The following PXMP4 variants were observed in gnomAD, a reference collection of about 807,000 sequenced individuals.
The protein encoded by PXMP4 is 24 kDa peroxisomal intrinsic membrane protein.
A neutral mutation model predicts 21.6 loss-of-function variants in PXMP4; 16 were observed. The ratio of observed to expected loss-of-function variants is 0.74; its 90% CI spans 0.50 to 1.13. The LOEUF is 1.13. Among genes scored for constraint, PXMP4 ranks in the 50% most tolerant of loss-of-function variants. The probability of loss-of-function intolerance (pLI) is 0.00; values close to 1 mark genes in which losing one functional copy is unlikely to be tolerated. For missense variants in PXMP4, 240 were observed against 277.7 expected (o/e 0.86, Z 0.96); for synonymous variants, 127 against 123.8 (o/e 1.03, Z -0.17).
intron 3 of PXMP4, among the ~76,000 whole-genome samples, chr20:33,709,634 A>C (rs1028752249): frequency 1.3e-5 from 2 of 151,972 alleles, no homozygotes; most frequent in Non-Finnish European, 2.9e-5. Context: ...TCAGACATGC[A>C]AAAGAGCCAA....
chr20:33,708,865 T>A (rs2018292591), intron 3 of PXMP4, among the ~76,000 whole-genome samples: 1 of 152,088 alleles, frequency 6.6e-6, no homozygotes, highest in South Asian at 2.1e-4. Context: ...TTTTTTGCAT[T>A]TTTAATGGAA....
chr20:33,711,145 GT>G (rs1429614172), intron 2 of PXMP4, among the ~76,000 whole-genome samples: 1 of 152,158 alleles, frequency 6.6e-6, no homozygotes, highest in Non-Finnish European at 1.5e-5. Flanking sequence ...CTTAATAAAT[GT>G]TTTTTTGAGT....
At chr20:33,709,585 C>T (rs1260455420) in intron 3 of PXMP4, among the ~76,000 whole-genome samples, 1 of 151,992 alleles carries the variant, frequency 6.6e-6, no homozygotes, top group Non-Finnish European at 1.5e-5. Context: ...AGGAAAGTGA[C>T]CTTCCCAAGG....
At chr20:33,713,165 G>A (rs1034233786) in intron 2 of PXMP4, among the ~76,000 whole-genome samples, 1 of 152,186 alleles carries the variant, frequency 6.6e-6, no homozygotes, top group Non-Finnish European at 1.5e-5. Flanking sequence ...TAAAGGAAAA[G>A]CCAAATTCCT....
At position 33,707,509 on chromosome 20, in the gene PXMP4, A is replaced by G; in HGVS notation, c.*197T>C. Reference sequence around the variant, plus strand: ...GCTGGAACCAAGCCGTAGATTCCTCAGCCTGATTCGGCCACTTGTGCCACC... The same window carrying G: ...GCTGGAACCAAGCCGTAGATTCCTCGGCCTGATTCGGCCACTTGTGCCACC... On this transcript the variant is annotated 3_prime_UTR_variant, in exon 4 of 4. Transcript: ENST00000409299. 1 of 753,114 alleles carries G rather than the reference A, an allele frequency of 1.3e-6. No individual in the cohort carries two copies. The highest frequency in any genetic ancestry group is 2.1e-6 in the Non-Finnish European group (1 of 486,606). 46.7% of individuals were successfully genotyped at this position (753,114 alleles called of 1,614,324 possible). A position where few individuals can be genotyped will look rare whatever the true frequency, so the allele number is the denominator to read the frequency against.
In PXMP4 at chr20:33,714,720, G is replaced by A. The variant is rs2018366654; in HGVS notation, c.130C>T (p.Arg44Trp). The A allele has an allele frequency of 1.9e-6, 3 of 1,613,870 alleles. No homozygotes were observed. The highest frequency in any genetic ancestry group is 1.1e-5 in the South Asian group (1 of 91,086). ...RNGAVYGAKI[R>W]APHALVMTFL... Reference sequence around the variant, plus strand: ...GTCATGACCAGCGCGTGAGGGGCCCGGATTTTGGCTCCATAGCTGTAGAAA... The same window carrying A: ...GTCATGACCAGCGCGTGAGGGGCCCAGATTTTGGCTCCATAGCTGTAGAAA... Residue 44 changes from arginine to tryptophan, a missense_variant, in exon 2 of 4, where the codon CGG (arginine) becomes TGG (tryptophan). By Grantham distance (101) the Arg-to-Trp change is moderately radical (BLOSUM62 -3). Transcript: ENST00000409299.
chr20:33,719,037 A>C (rs2018417766), intron 1 of PXMP4, among the ~76,000 whole-genome samples: 1 of 152,186 alleles, frequency 6.6e-6, no homozygotes, highest in South Asian at 2.1e-4. Context: ...CCGGGACTAC[A>C]GGCATGTGAC....
chr20:33,717,071 G>T (rs1374509149), intron 1 of PXMP4, among the ~76,000 whole-genome samples: 1 of 152,022 alleles, frequency 6.6e-6, no homozygotes, highest in Non-Finnish European at 1.5e-5. Context: ...CCAGCTACTC[G>T]GGAGGCTGAG....
At chr20:33,717,999 T>G (rs1490321959) in intron 1 of PXMP4, among the ~76,000 whole-genome samples, 1 of 152,166 alleles carries the variant, frequency 6.6e-6, no homozygotes, top group Non-Finnish European at 1.5e-5. Flanking sequence ...TCAATATTAG[T>G]GTCTCTTCTT....
chr20:33,717,993 T>G (rs1254406067), intron 1 of PXMP4, among the ~76,000 whole-genome samples: 1 of 152,152 alleles, frequency 6.6e-6, no homozygotes, highest in Non-Finnish European at 1.5e-5. Context: ...GGTCAATCAA[T>G]ATTAGTGTCT....
In PXMP4 at chr20:33,706,272, T is replaced by C. The variant is rs1029997277; in HGVS notation, c.*1434A>G. 1 of 151,626 alleles carries C rather than the reference T, an allele frequency of 6.6e-6. No individual in the cohort carries two copies. Among genetic ancestry groups the C allele is most frequent in the East Asian group, 2.0e-4 (1 of 5,080 alleles). The allele number at this position is 151,626 out of a possible 1,614,324, so 9.4% of individuals were successfully genotyped here. On this transcript the variant is annotated 3_prime_UTR_variant, in exon 4 of 4. Transcript: ENST00000409299. ...GTAAAATGGGGACGAAAACACACAT[T>C]TGCAAGGCCACTGTATGGTTTAAAA...
intron 1 of PXMP4, among the ~76,000 whole-genome samples, chr20:33,717,869 T>A (rs537412763): frequency 3.2e-4 from 48 of 152,252 alleles, no homozygotes; most frequent in African/African-American, 1.1e-3. Context: ...TGTTTTGCTA[T>A]GTGAGCTTGG....
chr20:33,711,364 A>T (rs2018324128), intron 2 of PXMP4, among the ~76,000 whole-genome samples: 1 of 152,164 alleles, frequency 6.6e-6, no homozygotes. Context: ...GGAGAGCCAC[A>T]TCCCAGGCAG....
intron 1 of PXMP4, 66 bp downstream of exon 1, chr20:33,720,029 A>T: frequency 2.0e-6 from 3 of 1,497,218 alleles, no homozygotes; most frequent in Non-Finnish European, 2.8e-6. Flanking sequence ...TCGGACTTCG[A>T]ACTCGCGCCT....
At chr20:33,710,068 T>A (rs1213475256) in intron 3 of PXMP4, among the ~76,000 whole-genome samples, 1 of 94,528 alleles carries the variant, frequency 1.1e-5, no homozygotes, top group East Asian at 4.0e-4. Flanking sequence ...TCCCCACTCA[T>A]AACTCTACAC....
intron 1 of PXMP4, among the ~76,000 whole-genome samples, 190 bp from the exon 2 acceptor site, chr20:33,714,926 C>T (rs1343759834): frequency 1.3e-5 from 2 of 152,158 alleles, no homozygotes; most frequent in African/African-American, 4.8e-5. Flanking sequence ...CGTCCTTTAA[C>T]TTCTCTCAGA....
Position 33,710,686 on chromosome 20 carries a change from C to T in PXMP4, c.244G>A (p.Val82Met). Residue 82 changes from valine to methionine, a missense_variant, in exon 3 of 4, where the codon GTG becomes ATG. Physicochemically the swap from Val to Met is conservative, Grantham distance 21. Transcript: ENST00000409299. ...YIHSWNLARF[V>M]FTYKGLRALQ... Reference sequence around the variant, plus strand: ...GCACGGAGACCCTTGTAGGTGAACACAAACCGTGCCAGGTTCCAGGAGTGG... The same window carrying T: ...GCACGGAGACCCTTGTAGGTGAACATAAACCGTGCCAGGTTCCAGGAGTGG... 1.2e-6 allele frequency: 2 copies of T among 1,613,904 alleles called. No individual in the cohort carries two copies. The highest frequency in any genetic ancestry group is 1.7e-6 in the Non-Finnish European group (2 of 1,179,904).
At chr20:33,715,466 C>G (rs2018373199) in intron 1 of PXMP4, among the ~76,000 whole-genome samples, 1 of 151,814 alleles carries the variant, frequency 6.6e-6, no homozygotes, top group African/African-American at 2.4e-5. Flanking sequence ...TCTCTGTAGC[C>G]CAGGCTTGGA....
chr20:33,718,886 C>T (rs991311927), intron 1 of PXMP4, among the ~76,000 whole-genome samples: 1 of 152,130 alleles, frequency 6.6e-6, no homozygotes, highest in Non-Finnish European at 1.5e-5. Flanking sequence ...AAGTTATGGC[C>T]TCATGAAACT....
Sources: gnomAD v4.1 joint callset for allele counts (sites outside exome capture counted in the v4.1 genomes callset) on GRCh38, gnomAD v4.1.1 for gene constraint, MANE v1.5 for transcripts, NCBI Gene and HGNC (gene_info 2026-07-23, HGNC 2026-07-21) for gene names.